R3HDM1: variants seen among roughly 807,000 people sequenced by gnomAD.
R3HDM1 encodes R3H domain-containing protein 1.
In R3HDM1, 46 loss-of-function variants were observed where a neutral mutation model predicts 141.1. The ratio of observed to expected loss-of-function variants is 0.33; its 90% CI spans 0.26 to 0.42. R3HDM1 has a LOEUF of 0.42. Ranked by LOEUF, R3HDM1 falls within the 10% of genes least tolerant of loss-of-function variation. The pLI is 1.00. For missense variants in R3HDM1, 1,184 were observed against 1,368.3 expected (o/e 0.87, Z 2.12); for synonymous variants, 435 against 472.9 (o/e 0.92, Z 1.04).
intron 7 of R3HDM1, among the ~76,000 whole-genome samples, chr2:135,629,264 CG>C (rs2062390849): frequency 6.6e-6 from 1 of 151,906 alleles, no homozygotes. Context: ...TGCAGGGAGC[CG>C]AGATTGTGCC....
At chr2:135,616,600 T>C in intron 4 of R3HDM1, 68 bp from the exon 5 acceptor site, 1 of 1,301,560 alleles carries the variant, frequency 7.7e-7, no homozygotes, top group Non-Finnish European at 1.1e-6. Context: ...AGAAACTCTT[T>C]CTAGGGGGCT....
chr2:135,595,998 T>C (rs2059142625), intron 1 of R3HDM1, among the ~76,000 whole-genome samples: 1 of 152,108 alleles, frequency 6.6e-6, no homozygotes, highest in Admixed American at 6.5e-5. Context: ...CTAAGTTTCT[T>C]CTTTTTCTTT....
intron 14 of R3HDM1, among the ~76,000 whole-genome samples, 154 bp from the exon 15 acceptor site, chr2:135,641,382 G>A (rs1334803640): frequency 1.3e-5 from 2 of 152,198 alleles, no homozygotes; most frequent in Non-Finnish European, 2.9e-5. Flanking sequence ...TCGTTATGGG[G>A]AGGGTAAGCA....
At position 135,688,414 on chromosome 2, in the gene R3HDM1, G is replaced by A. The variant is rs997011479; in HGVS notation, c.2459+8090G>A. On this transcript the variant is annotated intron_variant, in intron 21 of 26. Transcript: ENST00000683871. ...TAGATGACAAAGTTATGAAAAAGAT[G>A]GAAAGGCAGCTGGATTGGTGGATTC... Among the ~76,000 whole-genome samples the A allele has an allele frequency of 3.9e-5, 6 of 152,090 alleles. 1 individual carries two copies. In the South Asian group the frequency reaches 1.0e-3, roughly 26 times the overall value.
chr2:135,534,044 T>A, intron 1 of R3HDM1: 3 of 984,194 alleles, frequency 3.0e-6, no homozygotes, highest in Non-Finnish European at 3.6e-6. Flanking sequence ...ATTCTGTTAC[T>A]GAAGAGTACC....
chr2:135,565,321 AAATTAT>A (rs1264213340), intron 1 of R3HDM1, among the ~76,000 whole-genome samples: 3 of 136,076 alleles, frequency 2.2e-5, no homozygotes, highest in African/African-American at 8.9e-5. Context: ...CAATGAAAAA[AAATTAT>A]TATTATTATT....
At chr2:135,554,945 A>T (rs550125109) in intron 1 of R3HDM1, among the ~76,000 whole-genome samples, 21 of 152,316 alleles carry the variant, frequency 1.4e-4, no homozygotes, top group African/African-American at 4.8e-4. Flanking sequence ...TGTCCTAGCA[A>T]ATAGGCAAAC....
intron 5 of R3HDM1, 99 bp downstream of exon 5, chr2:135,616,856 T>A: frequency 9.4e-7 from 1 of 1,068,308 alleles, no homozygotes; most frequent in Non-Finnish European, 1.4e-6. Flanking sequence ...TTATTTTGAC[T>A]AAATGAAACT....
intron 3 of R3HDM1, among the ~76,000 whole-genome samples, chr2:135,611,144 G>T (rs2060502109): frequency 6.6e-6 from 1 of 151,214 alleles, no homozygotes; most frequent in Admixed American, 6.6e-5. Flanking sequence ...AAGGATGGCT[G>T]CGCACGGTGG....
intron 23 of R3HDM1, among the ~76,000 whole-genome samples, chr2:135,712,852 C>T (rs1390837833): frequency 3.3e-5 from 5 of 151,638 alleles, no homozygotes; most frequent in African/African-American, 9.7e-5. Flanking sequence ...ACCTGGGAGG[C>T]GGAGCTTGCA....
intron 14 of R3HDM1, 121 bp from the exon 15 acceptor site, chr2:135,641,415 G>C: frequency 8.6e-7 from 1 of 1,156,964 alleles, no homozygotes; most frequent in East Asian, 2.4e-5. Context: ...AAATTAAAAA[G>C]AGCCAATGCT....
chr2:135,687,445 T>C (rs900961165), intron 21 of R3HDM1, among the ~76,000 whole-genome samples: 30 of 152,206 alleles, frequency 2.0e-4, no homozygotes, highest in African/African-American at 6.8e-4. Context: ...AAAACAGTTA[T>C]GGTGTCTTTG....
At chr2:135,572,295 A>G (rs1704307641) in intron 1 of R3HDM1, among the ~76,000 whole-genome samples, 1 of 152,216 alleles carries the variant, frequency 6.6e-6, no homozygotes, top group South Asian at 2.1e-4. Context: ...GGACGTGTAT[A>G]CAGAATACAT....
intron 2 of R3HDM1, among the ~76,000 whole-genome samples, chr2:135,603,013 ACT>A (rs1224279244): frequency 6.6e-6 from 1 of 151,902 alleles, no homozygotes; most frequent in Non-Finnish European, 1.5e-5. Flanking sequence ...ATGGAGTCTC[ACT>A]CTGTCACCCA....
At chr2:135,590,616 G>T in intron 1 of R3HDM1, 1 of 985,270 alleles carries the variant, frequency 1.0e-6, no homozygotes. Flanking sequence ...CAATTAAATT[G>T]GACAGGTACT....
At chr2:135,556,653 G>T (rs1394421132) in intron 1 of R3HDM1, among the ~76,000 whole-genome samples, 1 of 151,654 alleles carries the variant, frequency 6.6e-6, no homozygotes, top group Non-Finnish European at 1.5e-5. Context: ...CGAGTAGCTG[G>T]GACTACAAGC....
chr2:135,565,086 A>G (rs1296149827), intron 1 of R3HDM1, among the ~76,000 whole-genome samples: 2 of 151,992 alleles, frequency 1.3e-5, no homozygotes, highest in East Asian at 1.9e-4. Context: ...ACAGTTTTTC[A>G]GTCTTTTAAA....
chr2:135,579,601 G>T (rs12478000), intron 1 of R3HDM1, among the ~76,000 whole-genome samples: 4 of 139,328 alleles, frequency 2.9e-5, no homozygotes, highest in East Asian at 2.0e-4. Context: ...GTGGCGGGGG[G>T]GGGTGGAAAT....
chr2:135,702,477 G>T (rs2074355250), intron 21 of R3HDM1, among the ~76,000 whole-genome samples: 1 of 151,934 alleles, frequency 6.6e-6, no homozygotes, highest in Non-Finnish European at 1.5e-5. Context: ...TGGCTAACAC[G>T]ATGAAACCCC....
Sources: gnomAD v4.1 joint callset for allele counts (sites outside exome capture counted in the v4.1 genomes callset) on GRCh38, gnomAD v4.1.1 for gene constraint, MANE v1.5 for transcripts, NCBI Gene and HGNC (gene_info 2026-07-23, HGNC 2026-07-21) for gene names.